GRIK3: variants seen among roughly 807,000 people sequenced by gnomAD.
GRIK3 encodes the protein glutamate receptor ionotropic, kainate 3.
Under a neutral mutation model 102.5 loss-of-function variants are expected in GRIK3, and 29 were observed. The ratio of observed to expected loss-of-function variants is 0.28; its 90% CI spans 0.21 to 0.39. The LOEUF (loss-of-function observed/expected upper bound fraction) is 0.39, where lower values mean the gene tolerates loss of function less well. Among genes scored for constraint, GRIK3 ranks in the 10% least tolerant of loss-of-function variants. GRIK3 has a pLI of 1.00. For synonymous variants in GRIK3, 511 were observed against 504.9 expected, an observed-to-expected ratio of 1.01 and a Z score of -0.16; for missense variants, 908 against 1,252.4, an observed-to-expected ratio of 0.73 and a Z score of 4.15.
chr1:36,823,466 C>A (rs1441447470), intron 11 of GRIK3, among the ~76,000 whole-genome samples: 3 of 118,992 alleles, frequency 2.5e-5, no homozygotes, highest in Non-Finnish European at 5.0e-5. Flanking sequence ...GAGTGAGACT[C>A]CGTCTCAAAA....
chr1:36,968,890 C>CTTTG lies in GRIK3; in HGVS notation c.115+65103_115+65104insCAAA, dbSNP rs1338158408. Among the ~76,000 whole-genome samples, 260 of 152,314 alleles carry CTTTG rather than the reference C, an allele frequency of 1.7e-3. 1 individual carries two copies. The highest frequency in any genetic ancestry group is 6.8e-3 in the Middle Eastern group (2 of 294). ...TTTGACAATTGACAATTTGAGCAAA[C>CTTTG]AGAATGACTCATCCAGAGACAAAGC... On this transcript the variant is annotated intron_variant, in intron 1 of 15. Coordinates refer to ENST00000373091, the MANE Select transcript of GRIK3 (RefSeq NM_000831.4).
chr1:36,940,846 G>A (rs923078159), intron 1 of GRIK3, among the ~76,000 whole-genome samples: 3 of 152,198 alleles, frequency 2.0e-5, no homozygotes, highest in African/African-American at 7.2e-5. Context: ...CAGCACAAGG[G>A]AGCACCACTG....
chr1:37,026,119 C>T (rs1642762780), intron 1 of GRIK3, among the ~76,000 whole-genome samples: 1 of 152,238 alleles, frequency 6.6e-6, no homozygotes, highest in Non-Finnish European at 1.5e-5. Flanking sequence ...CTGATCAAGA[C>T]TCTCTGGACC....
At chr1:37,001,754 T>C (rs1162650578) in intron 1 of GRIK3, among the ~76,000 whole-genome samples, 1 of 152,202 alleles carries the variant, frequency 6.6e-6, no homozygotes, top group Non-Finnish European at 1.5e-5. Context: ...GGAGGTAGTT[T>C]ATTTGGGAGG....
At chr1:36,964,682 A>G (rs1027580339) in intron 1 of GRIK3, among the ~76,000 whole-genome samples, 5 of 152,188 alleles carry the variant, frequency 3.3e-5, no homozygotes, top group Non-Finnish European at 5.9e-5. Flanking sequence ...ACAGTGAGTA[A>G]CAGTGCCTGA....
intron 1 of GRIK3, among the ~76,000 whole-genome samples, chr1:36,897,685 T>C (rs1000485828): frequency 6.6e-6 from 1 of 152,112 alleles, no homozygotes; most frequent in African/African-American, 2.4e-5. Flanking sequence ...CCTCATACCA[T>C]GTTGGTGGGA....
Position 36,805,060 on chromosome 1 carries a change from C to T in GRIK3, c.2492G>A (p.Gly831Glu). 6.2e-7 allele frequency: 1 copy of T among 1,614,212 alleles called. No homozygotes were observed. The highest frequency in any genetic ancestry group is 8.5e-7 in the Non-Finnish European group (1 of 1,180,034). ...GGCCACCAGCACAGAGAGGACCAGC[C>T]CGGCGGCCAGGACAATGAAGATGCC... The part of the protein sequence containing the change: ...IGGIFIVLAA[G>E]LVLSVLVAVG... The change falls in exon 15 of 16, where the codon GGG becomes GAG. Residue 831 changes from glycine (G) to glutamate (E), a missense_variant. Physicochemically the swap from Gly to Glu is moderately conservative, Grantham distance 98 (BLOSUM62 -2). Transcript: ENST00000373091.
At chr1:36,813,758 C>T (rs1176536689) in intron 13 of GRIK3, among the ~76,000 whole-genome samples, 5 of 64,258 alleles carry the variant, frequency 7.8e-5, no homozygotes, top group East Asian at 3.3e-4. Flanking sequence ...GGGGGCGGGG[C>T]GGGGGGTGGT....
intron 1 of GRIK3, among the ~76,000 whole-genome samples, chr1:36,912,980 A>G (rs751200004): frequency 6.6e-6 from 1 of 152,202 alleles, no homozygotes; most frequent in Non-Finnish European, 1.5e-5. Flanking sequence ...CCAGGAGGAC[A>G]CTAGCTCCTG....
intron 1 of GRIK3, among the ~76,000 whole-genome samples, chr1:36,924,465 C>T (rs777098509): frequency 1.2e-4 from 19 of 152,112 alleles, no homozygotes; most frequent in African/African-American, 1.7e-4. Context: ...TGTTTTTCTC[C>T]GCTGCTTACA....
At chr1:36,833,947 C>G (rs1158694397) in intron 10 of GRIK3, among the ~76,000 whole-genome samples, 1 of 152,204 alleles carries the variant, frequency 6.6e-6, no homozygotes, top group Non-Finnish European at 1.5e-5. Flanking sequence ...GATCTTCCCC[C>G]AAAGTTTCCT....
intron 1 of GRIK3, among the ~76,000 whole-genome samples, chr1:36,893,987 T>C (rs1641146223): frequency 6.6e-6 from 1 of 152,224 alleles, no homozygotes; most frequent in South Asian, 2.1e-4. Flanking sequence ...TTTTTTCCAA[T>C]TAAACCTTTA....
At chr1:36,955,273 C>T (rs1219373970) in intron 1 of GRIK3, among the ~76,000 whole-genome samples, 4 of 152,196 alleles carry the variant, frequency 2.6e-5, no homozygotes, top group Admixed American at 2.0e-4. Flanking sequence ...GCCAGCAGGA[C>T]AGGAAGGGGC....
At chr1:36,985,589 T>A (rs1412027073) in intron 1 of GRIK3, among the ~76,000 whole-genome samples, 1 of 152,132 alleles carries the variant, frequency 6.6e-6, no homozygotes, top group Non-Finnish European at 1.5e-5. Context: ...ATCCCCAAGG[T>A]GCCCTGGATG....
intron 1 of GRIK3, among the ~76,000 whole-genome samples, chr1:36,994,833 A>C (rs1354840896): frequency 1.3e-5 from 2 of 152,232 alleles, no homozygotes; most frequent in African/African-American, 2.4e-5. Flanking sequence ...TAAATTTTTT[A>C]ACACACACTT....
intron 1 of GRIK3, among the ~76,000 whole-genome samples, chr1:36,924,746 A>C (rs911841326): frequency 6.6e-6 from 1 of 152,194 alleles, no homozygotes; most frequent in South Asian, 2.1e-4. Context: ...AGCTCTGCCA[A>C]CTGTGCTCCC....
chr1:36,897,259 C>CA (rs899139688), intron 1 of GRIK3, among the ~76,000 whole-genome samples: 3 of 152,056 alleles, frequency 2.0e-5, no homozygotes, highest in Non-Finnish European at 2.9e-5. Flanking sequence ...AAATATTTCA[C>CA]AAAAAATCAG....
chr1:36,905,495 G>GA (rs61097453), intron 1 of GRIK3, among the ~76,000 whole-genome samples: 6,174 of 140,548 alleles, frequency 0.044, 270 homozygotes, highest in East Asian at 0.13. Flanking sequence ...TTGGTAATAA[G>GA]AAAAAAAAAA....
intron 1 of GRIK3, among the ~76,000 whole-genome samples, chr1:37,015,400 A>G (rs1642642923): frequency 6.6e-6 from 1 of 152,222 alleles, no homozygotes. Flanking sequence ...CAAAGAAAAC[A>G]TCTCCCAAAT....
Sources: allele counts gnomAD v4.1 joint callset (sites outside exome capture counted in the v4.1 genomes callset), GRCh38; gene constraint gnomAD v4.1.1; transcripts MANE v1.5; gene names NCBI Gene and HGNC (gene_info 2026-07-23, HGNC 2026-07-21).